Variants in ADAMTSL2 observed in about 807,000 individuals in gnomAD.
ADAMTSL2 encodes ADAMTS like 2.
Under a neutral mutation model 117.0 loss-of-function variants are expected in ADAMTSL2, and 55 were observed. The observed-to-expected ratio is 0.47, with a 90% CI of 0.38 to 0.59. The LOEUF is 0.59. ADAMTSL2 is among the 20% of genes least tolerant of loss of function. ADAMTSL2 has a pLI of 0.00. For synonymous variants in ADAMTSL2, 572 were observed against 566.4 expected, an observed-to-expected ratio of 1.01 and a Z score of -0.14; for missense variants, 1,182 against 1,354.5, an observed-to-expected ratio of 0.87 and a Z score of 2.00.
In ADAMTSL2 at chr9:133,555,539, C is replaced by CCACCTGTCTCCT; in HGVS notation, c.1277-17_1277-6dup. Reference sequence around the variant, plus strand: ...GGGCTCGGATGTGCCCACGGTTGAGCCACCTGTCTCCTCTCCAGACCGCAA... The same window carrying CCACCTGTCTCCT: ...GGGCTCGGATGTGCCCACGGTTGAGCCACCTGTCTCCTCACCTGTCTCCTCTCCAGACCGCAA... On this transcript the variant is annotated intron_variant, in intron 10 of 18. Transcript: ENST00000651351. 1.2e-6 allele frequency: 2 copies of CCACCTGTCTCCT among 1,612,934 alleles called. No homozygotes were observed. Among genetic ancestry groups the CCACCTGTCTCCT allele is most frequent in the South Asian group, 2.2e-5 (2 of 91,082 alleles).
At chr9:133,539,681 C>CGGCTGTCCT (rs1427150305) in intron 4 of ADAMTSL2, 90 bp from the exon 5 acceptor site, 28 of 1,341,086 alleles carry the variant, frequency 2.1e-5, no homozygotes, top group Admixed American at 5.9e-5. Context: ...CCGGCTGTCC[C>CGGCTGTCCT]GGCTGCAGCC....
chr9:133,561,076 A>G lies in ADAMTSL2; in HGVS notation c.1650-122A>G, dbSNP rs1449972553. On this transcript the variant is annotated intron_variant, in intron 11 of 18. Coordinates refer to ENST00000651351, the MANE Select transcript of ADAMTSL2 (RefSeq NM_014694.4). Reference sequence around the variant, plus strand: ...CAGGTGGAGGGTCGGCCCGGGGCTCAGGACAGGTGTGTGCTTCAGGCGAAC... The same window carrying G: ...CAGGTGGAGGGTCGGCCCGGGGCTCGGGACAGGTGTGTGCTTCAGGCGAAC... 1.1e-5 allele frequency: 9 copies of G among 831,136 alleles called. No individual in the cohort carries two copies. In the African/African-American group the frequency reaches 1.3e-4, roughly 12 times the overall value. 51.5% of individuals were successfully genotyped at this position (831,136 alleles called of 1,614,324 possible).
At position 133,568,273 on chromosome 9, in the gene ADAMTSL2, G is replaced by A; in HGVS notation, c.1875G>A (p.Arg625=). Residue 625 remains arginine (R), a splice_region_variant and synonymous_variant, in exon 14 of 19, where the codon AGG becomes AGA. Coordinates refer to ENST00000651351, the MANE Select transcript of ADAMTSL2 (RefSeq NM_014694.4). ...EFCAGRECQP[R]WETSSWSECS... ...TGAAGGCCATCCGCTCCCGGGGCAG[G>A]TGGGAGACGAGCAGCTGGAGCGAGT... 2 of 1,563,166 alleles carry A rather than the reference G, an allele frequency of 1.3e-6. No homozygotes were observed. The highest frequency in any genetic ancestry group is 1.7e-6 in the Non-Finnish European group (2 of 1,155,648).
Position 133,547,016 on chromosome 9 carries a change from A to T in ADAMTSL2, c.764-22A>T, listed in dbSNP as rs769622974. 4 of 1,613,714 alleles carry T rather than the reference A, an allele frequency of 2.5e-6. No individual in the cohort carries two copies. In the South Asian group the frequency reaches 4.4e-5, roughly 18 times the overall value. ...CCCCCAGCCAGTTTGGCCTTTTGTGACCGGCGGCTTTGCCCTTCCAGCTCT... is the reference window on the plus strand; with the variant it reads ...CCCCCAGCCAGTTTGGCCTTTTGTGTCCGGCGGCTTTGCCCTTCCAGCTCT... On this transcript the variant is annotated intron_variant, in intron 8 of 18. Transcript: ENST00000651351.
rs572045559 is a variant in ADAMTSL2, at chr9:133,538,232, G to A, written c.234-117G>A. The A allele has an allele frequency of 2.7e-5, 32 of 1,207,454 alleles. No homozygotes were observed. The South Asian group carries it at 3.4e-4, about 13-fold the overall frequency. The allele number at this position is 1,207,454 out of a possible 1,614,324, so 74.8% of individuals were successfully genotyped here. A position where few individuals can be genotyped will look rare whatever the true frequency, so the allele number is the denominator to read the frequency against. On this transcript the variant is annotated intron_variant, in intron 3 of 18. Transcript: ENST00000651351. ...GTGGGAGTTGAGTAGGGAGGAAGGA[G>A]CCCTCTGGGTCACGGGTATCGGGAG...
upstream of ADAMTSL2, among the ~76,000 whole-genome samples, chr9:133,533,837 C>T (rs371933432): frequency 1.3e-5 from 2 of 152,200 alleles, no homozygotes; most frequent in Non-Finnish European, 2.9e-5. Context: ...TCCTCCTCCT[C>T]CCCTTTTTGG....
rs1831034671 is a variant in ADAMTSL2 at position 133,568,696 on chromosome 9, G to A, written c.2182G>A (p.Gly728Arg). The A allele has an allele frequency of 1.2e-6, 2 of 1,613,336 alleles. No individual in the cohort carries two copies. Among genetic ancestry groups the A allele is most frequent in the Non-Finnish European group, 1.7e-6 (2 of 1,180,016 alleles). The change falls in exon 15 of 19, where the codon GGG (glycine) becomes AGG (arginine). Residue 728 changes from glycine to arginine, a missense_variant. Transcript: ENST00000651351. Reference protein sequence around the residue: ...KLCDPNTRPVGEKNCTGPPCD... With the variant: ...KLCDPNTRPVREKNCTGPPCD... ...GTGTGACCCCAACACCAGGCCTGTAGGGGAGAAGAACTGCACGGGCCCGCC... is the reference window on the plus strand; with the variant it reads ...GTGTGACCCCAACACCAGGCCTGTAAGGGAGAAGAACTGCACGGGCCCGCC...
chr9:133,547,257 C>G, intron 9 of ADAMTSL2, 44 bp downstream of exon 9: 2 of 1,586,948 alleles, frequency 1.3e-6, no homozygotes, highest in Non-Finnish European at 1.7e-6. Flanking sequence ...GCCCTGGGCA[C>G]TGTTTCCCCA....
At chr9:133,553,027 A>C (rs1230408436) in intron 9 of ADAMTSL2, among the ~76,000 whole-genome samples, 1 of 152,012 alleles carries the variant, frequency 6.6e-6, no homozygotes, top group Non-Finnish European at 1.5e-5. Context: ...AATGTGACTT[A>C]ATCTAAGCTA....
intron 12 of ADAMTSL2, among the ~76,000 whole-genome samples, chr9:133,562,318 G>T (rs928378987): frequency 6.6e-6 from 1 of 152,250 alleles, no homozygotes; most frequent in Non-Finnish European, 1.5e-5. Flanking sequence ...TGAAGAAAGG[G>T]CTCTGCCTCC....
At chr9:133,545,109 GATTTTGAGTGTAGGGAGCCTTGGTGGCAA>G (rs1268309243) in intron 8 of ADAMTSL2, among the ~76,000 whole-genome samples, 1 of 152,180 alleles carries the variant, frequency 6.6e-6, no homozygotes, top group African/African-American at 2.4e-5. Flanking sequence ...CTTGGTGGCA[GATTTTGAGTGTAGGGAGCCTTGGTGGCAA>G]ATTTTGGAAG....
At chr9:133,538,203 C>A in intron 3 of ADAMTSL2, 146 bp from the exon 4 acceptor site, 1 of 876,396 alleles carries the variant, frequency 1.1e-6, no homozygotes, top group Non-Finnish European at 1.9e-6. Context: ...GGTGTGTGTA[C>A]GGGGTGGGAG....
chr9:133,560,367 G>A (rs1437940357), intron 11 of ADAMTSL2, among the ~76,000 whole-genome samples: 13 of 152,210 alleles, frequency 8.5e-5, no homozygotes, highest in Non-Finnish European at 1.5e-5. Flanking sequence ...GCTCAGGGGC[G>A]GCGGGACTCC....
intron 9 of ADAMTSL2, among the ~76,000 whole-genome samples, chr9:133,553,582 C>T (rs1412324307): frequency 1.3e-5 from 2 of 152,206 alleles, no homozygotes; most frequent in Admixed American, 1.3e-4. Flanking sequence ...AGTGGTGAAC[C>T]TTTTCACAAC....
At chr9:133,566,297 C>T (rs1486781249) in intron 12 of ADAMTSL2, among the ~76,000 whole-genome samples, 13 of 152,152 alleles carry the variant, frequency 8.5e-5, no homozygotes, top group African/African-American at 2.9e-4. Context: ...AAAAATTAGC[C>T]GGGTGTGGTG....
rs1830586114 is a variant in ADAMTSL2, at chr9:133,555,573, G to A, written c.1292G>A (p.Gly431Glu). 5 of 1,613,040 alleles carry A rather than the reference G, an allele frequency of 3.1e-6. No homozygotes were observed. The highest frequency in any genetic ancestry group is 4.2e-6 in the Non-Finnish European group (5 of 1,180,012). Residue 431 changes from glycine (G) to glutamate (E), a missense_variant, in exon 11 of 19, where the codon GGG becomes GAG. Coordinates refer to ENST00000651351, the MANE Select transcript of ADAMTSL2 (RefSeq NM_014694.4). ...GKGFRDRNVT[G>E]TPLTGDKDDE... ...TCCTCTCCAGACCGCAACGTCACGG[G>A]GACTCCTCTCACCGGGGACAAGGAT...
rs1258748541 is a variant in ADAMTSL2 at position 133,573,829 on chromosome 9, C to T, written c.2593-14C>T. On this transcript the variant is annotated splice_polypyrimidine_tract_variant and intron_variant, in intron 17 of 18. Coordinates refer to ENST00000651351, the MANE Select transcript of ADAMTSL2 (RefSeq NM_014694.4). ...AGGAGGCTTTCCCCATGCCTTCTGT[C>T]TCTCCCACACCAGTGCACCAAGACC... 1.2e-6 allele frequency: 2 copies of T among 1,613,884 alleles called. No homozygotes were observed. The highest frequency in any genetic ancestry group is 2.7e-5 in the African/African-American group (2 of 74,938).
chr9:133,574,259 A>C (rs1465815297), intron 18 of ADAMTSL2, among the ~76,000 whole-genome samples: 1 of 152,204 alleles, frequency 6.6e-6, no homozygotes, highest in Non-Finnish European at 1.5e-5. Context: ...GAAAAGGGTC[A>C]GCTTCAGATG....
chr9:133,555,673 C>T lies in ADAMTSL2; in HGVS notation c.1392C>T (p.Gly464=), dbSNP rs976510193. Residue 464 remains glycine, a synonymous_variant, in exon 11 of 19, where the codon GGC becomes GGT. Coordinates refer to ENST00000651351, the MANE Select transcript of ADAMTSL2 (RefSeq NM_014694.4). The part of the protein sequence containing the change: ...SANAISDQLL[G]AGSDLKDFTL... ...ACGCCATCTCTGACCAGCTGCTGGG[C>T]GCAGGCTCTGACTTGAAGGACTTCA... 2.4e-5 allele frequency: 38 copies of T among 1,613,720 alleles called. No individual in the cohort carries two copies. Among genetic ancestry groups the T allele is most frequent in the African/African-American group, 1.9e-4 (14 of 74,934 alleles).
Sources: gnomAD v4.1 joint callset for allele counts (sites outside exome capture counted in the v4.1 genomes callset) on GRCh38, gnomAD v4.1.1 for gene constraint, MANE v1.5 for transcripts, NCBI Gene and HGNC (gene_info 2026-07-23, HGNC 2026-07-21) for gene names.